The following HERC6 variants were observed in gnomAD, a reference collection of about 807,000 sequenced individuals.
HERC6 encodes probable E3 ubiquitin-protein ligase HERC6.
Under a neutral mutation model 114.5 loss-of-function variants are expected in HERC6, and 101 were observed. That is an observed-to-expected ratio of 0.88 (90% CI 0.75 to 1.04). The LOEUF (loss-of-function observed/expected upper bound fraction) is 1.04, where lower values mean the gene tolerates loss of function less well. Among genes scored for constraint, HERC6 ranks in the 50% least tolerant of loss-of-function variants. HERC6 has a pLI of 0.00. For missense variants in HERC6, 1,133 were observed against 1,230.9 expected, an observed-to-expected ratio of 0.92 and a Z score of 1.19; for synonymous variants, 408 against 436.2, an observed-to-expected ratio of 0.94 and a Z score of 0.81.
At chr4:88,438,036 G>A (rs764028477) in intron 20 of HERC6, among the ~76,000 whole-genome samples, 1 of 150,744 alleles carries the variant, frequency 6.6e-6, no homozygotes, top group Non-Finnish European at 1.5e-5. Flanking sequence ...AGGAGGCTGA[G>A]GATTGCTTGA....
At chr4:88,408,238 C>T (rs998942235) in intron 10 of HERC6, among the ~76,000 whole-genome samples, 1 of 151,924 alleles carries the variant, frequency 6.6e-6, no homozygotes, top group African/African-American at 2.4e-5. Context: ...AGTGCGGGGG[C>T]AGATGGTTTC....
intron 5 of HERC6, among the ~76,000 whole-genome samples, chr4:88,395,212 GAATAAATAGA>G (rs1735167106): frequency 6.6e-6 from 1 of 152,016 alleles, no homozygotes; most frequent in Admixed American, 6.5e-5. Context: ...TCAATATAAA[GAATAAATAGA>G]AATAAATAGA....
At chr4:88,429,585 C>T (rs1228702816) in intron 16 of HERC6, among the ~76,000 whole-genome samples, 1 of 152,002 alleles carries the variant, frequency 6.6e-6, no homozygotes, top group Non-Finnish European at 1.5e-5. Context: ...CTTGAGGCTA[C>T]AGAATAATGA....
intron 8 of HERC6, among the ~76,000 whole-genome samples, chr4:88,401,198 A>G (rs1164794204): frequency 2.0e-5 from 3 of 152,172 alleles, no homozygotes; most frequent in Non-Finnish European, 4.4e-5. Flanking sequence ...CATGCTGCAT[A>G]AGAAAGAGTG....
In HERC6 at chr4:88,417,550, C is replaced by T; in HGVS notation, c.1684C>T (p.Leu562Phe). 1 of 1,612,944 alleles carries T rather than the reference C, an allele frequency of 6.2e-7. No homozygotes were observed. The highest frequency in any genetic ancestry group is 8.5e-7 in the Non-Finnish European group (1 of 1,179,440). ...ACAGGATCACTGTAATGTTAAAGCT[C>T]TTTTAGGAATGATGAAAGAACTGCA... ...TEQDHCNVKA[L>F]LGMMKELHKV... The change falls in exon 13 of 23, where the codon CTT becomes TTT. Residue 562 changes from leucine (L) to phenylalanine (F), a missense_variant. By Grantham distance (22) the Leu-to-Phe change is conservative. Coordinates refer to ENST00000264346, the MANE Select transcript of HERC6 (RefSeq NM_017912.4).
chr4:88,398,503 A>G (rs1735367133), intron 8 of HERC6: 1 of 222,196 alleles, frequency 4.5e-6, no homozygotes, highest in Non-Finnish European at 8.7e-6. Flanking sequence ...AACTTGTGTC[A>G]ACAGCAGCTG....
Position 88,442,275 on chromosome 4 carries a change from C to T in HERC6, c.2884C>T (p.Gln962Ter), listed in dbSNP as rs761602121. 1.2e-6 allele frequency: 2 copies of T among 1,613,340 alleles called. No homozygotes were observed. The highest frequency in any genetic ancestry group is 2.2e-5 in the East Asian group (1 of 44,876). Reference sequence around the variant, plus strand: ...TGATAGGCTGCATGCAAGAGGCATACAGAAAATGGAAATAGTATTTCGCTG... The same window carrying T: ...TGATAGGCTGCATGCAAGAGGCATATAGAAAATGGAAATAGTATTTCGCTG... ...GRDRLHARGIQKMEIVFRCPE... is the reference protein window; with the variant it reads ...GRDRLHARGI Residue 962 changes from glutamine to a stop codon, truncating the protein, a stop_gained, in exon 23 of 23, where the codon CAG becomes TAG. Coordinates refer to ENST00000264346, the MANE Select transcript of HERC6 (RefSeq NM_017912.4). LOFTEE classifies it low-confidence loss of function (END_TRUNC).
At chr4:88,418,773 C>T (rs1228444707) in intron 13 of HERC6, among the ~76,000 whole-genome samples, 2 of 152,184 alleles carry the variant, frequency 1.3e-5, no homozygotes, top group African/African-American at 2.4e-5. Flanking sequence ...GTTGCCCAGG[C>T]TGGAGTGCAG....
intron 6 of HERC6, 110 bp from the exon 7 acceptor site, chr4:88,396,741 T>C: frequency 2.9e-6 from 3 of 1,043,092 alleles, no homozygotes; most frequent in Non-Finnish European, 4.0e-6. Flanking sequence ...GCGTACTTAG[T>C]AAAAGTAAAT....
chr4:88,408,750 C>T (rs1244537333), intron 11 of HERC6, 133 bp downstream of exon 11: 10 of 664,208 alleles, frequency 1.5e-5, no homozygotes, highest in South Asian at 5.5e-5. Context: ...AAACAAAAAT[C>T]GACCCACTGA....
intron 5 of HERC6, among the ~76,000 whole-genome samples, chr4:88,394,010 G>A (rs963872760): frequency 6.6e-6 from 1 of 152,146 alleles, no homozygotes; most frequent in African/African-American, 2.4e-5. Flanking sequence ...ATTCTGGGGG[G>A]ATGCAAACAT....
At position 88,424,033 on chromosome 4, in the gene HERC6, T is replaced by C. The variant is rs1737340610; in HGVS notation, c.1827+60T>C. On this transcript the variant is annotated intron_variant, in intron 14 of 22. Coordinates refer to ENST00000264346, the MANE Select transcript of HERC6 (RefSeq NM_017912.4). ...TATTTTAAAGGAAGACACATTACTG[T>C]AGTATCTGTAAAGGTACTCTTTGAT... 8.8e-6 allele frequency: 7 copies of C among 799,790 alleles called. No homozygotes were observed. The Admixed American group carries it at 2.4e-4, about 27-fold the overall frequency. The allele number at this position is 799,790 out of a possible 1,614,324, so 49.5% of individuals were successfully genotyped here.
chr4:88,391,340 A>T (rs772049384), intron 4 of HERC6, among the ~76,000 whole-genome samples: 34 of 152,148 alleles, frequency 2.2e-4, no homozygotes, highest in Non-Finnish European at 4.7e-4. Context: ...CAGTTAAAAG[A>T]CCCTTGATTA....
At chr4:88,430,840 G>T (rs557510569) in intron 16 of HERC6, among the ~76,000 whole-genome samples, 16 of 152,140 alleles carry the variant, frequency 1.1e-4, no homozygotes, top group African/African-American at 3.9e-4. Context: ...GAATTTAGGG[G>T]CCCACGGGTT....
chr4:88,396,043 A>G lies in HERC6; in HGVS notation c.788A>G (p.Asn263Ser), dbSNP rs1735212193. 2.5e-6 allele frequency: 4 copies of G among 1,603,060 alleles called. No homozygotes were observed. The highest frequency in any genetic ancestry group is 3.4e-6 in the Non-Finnish European group (4 of 1,174,938). Residue 263 changes from asparagine (N) to serine (S), a missense_variant, in exon 6 of 23, where the codon AAT becomes AGT. Physicochemically the swap from Asn to Ser is conservative, Grantham distance 46 (BLOSUM62 1). This residue lies in a region of HERC6 where 735 missense variants were observed against 754.0 expected (regional missense o/e 0.97). Coordinates refer to ENST00000264346, the MANE Select transcript of HERC6 (RefSeq NM_017912.4). ...QDGKVFTFGDNRSGQLGYSPT... is the reference protein window; with the variant it reads ...QDGKVFTFGDSRSGQLGYSPT... Reference sequence around the variant, plus strand: ...GGGAAAGTGTTCACATTTGGAGACAATCGCTCTGGACAGCTGGGATACAGC... The same window carrying G: ...GGGAAAGTGTTCACATTTGGAGACAGTCGCTCTGGACAGCTGGGATACAGC...
At position 88,398,130 on chromosome 4, in the gene HERC6, ACTTT is replaced by A. The variant is rs758432434; in HGVS notation, c.1025-7_1025-4del. 8 of 1,550,470 alleles carry A rather than the reference ACTTT, an allele frequency of 5.2e-6. No individual in the cohort carries two copies. Among genetic ancestry groups the A allele is most frequent in the Non-Finnish European group, 7.0e-6 (8 of 1,147,876 alleles). On this transcript the variant is annotated splice_region_variant and splice_polypyrimidine_tract_variant and intron_variant, in intron 7 of 22. Transcript: ENST00000264346. ...TAGAAACTCTAAGCATGGATTTATGACTTTCTTTTAGACTTCGTGGATGTTCAAG... is the reference window on the plus strand; with the variant it reads ...TAGAAACTCTAAGCATGGATTTATGACTTTTAGACTTCGTGGATGTTCAAG...
In HERC6 at chr4:88,417,412, T is replaced by C; in HGVS notation, c.1559-13T>C. 1 of 1,604,812 alleles carries C rather than the reference T, an allele frequency of 6.2e-7. No homozygotes were observed. Among genetic ancestry groups the C allele is most frequent in the African/African-American group, 1.3e-5 (1 of 74,930 alleles). ...GAAAAACATATTTATCATGGCTAAT[T>C]TTACACCCCCAGAGAAGTGTTGGGC... On this transcript the variant is annotated splice_polypyrimidine_tract_variant and intron_variant, in intron 12 of 22. Transcript: ENST00000264346.
chr4:88,413,356 A>G, intron 12 of HERC6, 90 bp downstream of exon 12: 2 of 844,618 alleles, frequency 2.4e-6, no homozygotes, highest in Non-Finnish European at 3.7e-6. Context: ...AAGATTTCAA[A>G]ATAGACAAGT....
chr4:88,396,463 A>C (rs893094193), intron 6 of HERC6, among the ~76,000 whole-genome samples: 1 of 152,224 alleles, frequency 6.6e-6, no homozygotes, highest in Non-Finnish European at 1.5e-5. Flanking sequence ...TCATGCATGC[A>C]GAAGATGATG....
Sources: allele counts gnomAD v4.1 joint callset (sites outside exome capture counted in the v4.1 genomes callset), GRCh38; gene constraint gnomAD v4.1.1; regional missense constraint gnomAD v4.1.1; transcripts MANE v1.5; gene names NCBI Gene and HGNC (gene_info 2026-07-23, HGNC 2026-07-21).